WWOX: variants seen among roughly 807,000 people sequenced by gnomAD.
The protein encoded by WWOX is WW domain-containing oxidoreductase.
A neutral mutation model predicts 46.2 loss-of-function variants in WWOX; 69 were observed. The ratio of observed to expected loss-of-function variants is 1.49; its 90% CI spans 1.23 to 1.82. The LOEUF is 1.82. Among genes scored for constraint, WWOX ranks in the 40% most tolerant of loss-of-function variants. WWOX has a pLI of 0.00. For synonymous variants in WWOX, 359 were observed against 202.6 expected (o/e 1.77, Z -6.56); for missense variants, 919 against 542.6 (o/e 1.69, Z -6.89).
chr16:79,035,571 C>A (rs1050027819), intron 8 of WWOX, among the ~76,000 whole-genome samples: 1 of 152,130 alleles, frequency 6.6e-6, no homozygotes, highest in Non-Finnish European at 1.5e-5. Context: ...TGGAGTCTCA[C>A]TCTATCATCC....
At chr16:78,869,766 G>C (rs2737284) in intron 8 of WWOX, among the ~76,000 whole-genome samples, 46,552 of 152,008 alleles carry the variant, frequency 0.31, 7,684 homozygotes, top group East Asian at 0.48. Context: ...AGTCTTGCTC[G>C]CAGATAGCCT....
chr16:78,144,440 TATATATACAC>T (rs1287505336), intron 4 of WWOX, among the ~76,000 whole-genome samples: 1 of 15,878 alleles, frequency 6.3e-5, no homozygotes, highest in African/African-American at 4.5e-4. Context: ...TATATATATA[TATATATACAC>T]ATATATATAT....
At chr16:79,061,037 T>G (rs8059832) in intron 8 of WWOX, among the ~76,000 whole-genome samples, 6,777 of 152,256 alleles carry the variant, frequency 0.045, 187 homozygotes, top group South Asian at 0.077. Flanking sequence ...GAATTCAGAC[T>G]TATACACTCA....
At chr16:78,955,058 T>C (rs2046137339) in intron 8 of WWOX, among the ~76,000 whole-genome samples, 1 of 152,138 alleles carries the variant, frequency 6.6e-6, no homozygotes, top group South Asian at 2.1e-4. Context: ...CACAAAGTAT[T>C]GGGAATGTAT....
rs764706204 is a variant in WWOX, at chr16:79,029,623, T to G, written c.1057-181985T>G. On this transcript the variant is annotated intron_variant, in intron 8 of 8. Coordinates refer to ENST00000566780, the MANE Select transcript of WWOX (RefSeq NM_016373.4). ...CACAAAGAAAGTTAGGGTAATATAT[T>G]CTTATATAAAATTGACATTTTTAAC... 2.6e-4 allele frequency among the ~76,000 whole-genome samples: 39 copies of G among 152,204 alleles called. 2 individuals are homozygous for G. The highest frequency in any genetic ancestry group is 2.9e-5 in the Non-Finnish European group (2 of 68,032).
intron 8 of WWOX, among the ~76,000 whole-genome samples, chr16:78,792,525 C>A (rs1020429446): frequency 6.6e-6 from 1 of 152,210 alleles, no homozygotes; most frequent in Admixed American, 6.5e-5. Context: ...CGGCAGAGGG[C>A]ATGGATAAGG....
At chr16:78,433,522 A>G (rs1347871090) in intron 8 of WWOX, among the ~76,000 whole-genome samples, 1 of 152,218 alleles carries the variant, frequency 6.6e-6, no homozygotes, top group South Asian at 2.1e-4. Flanking sequence ...AGTGGACACC[A>G]GTATTCCAGT....
intron 8 of WWOX, among the ~76,000 whole-genome samples, chr16:78,754,885 C>T (rs976221988): frequency 6.6e-6 from 1 of 152,058 alleles, no homozygotes; most frequent in East Asian, 1.9e-4. Flanking sequence ...GTGCTGTGTC[C>T]TGCACTGTCC....
At chr16:78,624,841 A>T (rs2046274731) in intron 8 of WWOX, among the ~76,000 whole-genome samples, 1 of 152,230 alleles carries the variant, frequency 6.6e-6, no homozygotes, top group Non-Finnish European at 1.5e-5. Flanking sequence ...TGCCTAAAGG[A>T]GCAGATATCG....
At chr16:78,445,088 G>T (rs1411940131) in intron 8 of WWOX, among the ~76,000 whole-genome samples, 1 of 151,984 alleles carries the variant, frequency 6.6e-6, no homozygotes, top group Non-Finnish European at 1.5e-5. Flanking sequence ...TCTGTGAAAT[G>T]CAGACCTTTC....
chr16:78,893,530 C>T (rs529080375), intron 8 of WWOX, among the ~76,000 whole-genome samples: 22 of 152,334 alleles, frequency 1.4e-4, no homozygotes, highest in Admixed American at 1.3e-3. Flanking sequence ...GACACTTCCT[C>T]CTCCACCCAC....
At chr16:78,351,315 A>C (rs572027057) in intron 5 of WWOX, among the ~76,000 whole-genome samples, 24 of 152,334 alleles carry the variant, frequency 1.6e-4, no homozygotes, top group Non-Finnish European at 2.2e-4. Context: ...GTGCTACAAG[A>C]GTTTCAGAAT....
At chr16:79,055,159 C>T (rs1001485033) in intron 8 of WWOX, among the ~76,000 whole-genome samples, 12 of 152,172 alleles carry the variant, frequency 7.9e-5, no homozygotes, top group Admixed American at 7.9e-4. Context: ...CTCAGATATG[C>T]ACCTTTTAAT....
At chr16:78,250,166 A>G (rs2060992036) in intron 5 of WWOX, among the ~76,000 whole-genome samples, 1 of 152,172 alleles carries the variant, frequency 6.6e-6, no homozygotes, top group Admixed American at 6.5e-5. Flanking sequence ...TCTCCAATTT[A>G]GGGGGCTGTA....
chr16:79,054,465 C>T (rs544721347), intron 8 of WWOX, among the ~76,000 whole-genome samples: 16 of 152,224 alleles, frequency 1.1e-4, no homozygotes, highest in African/African-American at 2.9e-4. Context: ...CCAAAATGCG[C>T]GTGTTGCAAT....
At chr16:79,105,522 C>A (rs546337372) in intron 8 of WWOX, among the ~76,000 whole-genome samples, 1 of 152,110 alleles carries the variant, frequency 6.6e-6, no homozygotes, top group East Asian at 1.9e-4. Context: ...ATATTTAAAT[C>A]TGTGTATTTA....
intron 8 of WWOX, among the ~76,000 whole-genome samples, chr16:79,038,813 G>A (rs1041272640): frequency 6.6e-6 from 1 of 152,024 alleles, no homozygotes; most frequent in Non-Finnish European, 1.5e-5. Flanking sequence ...GCCTCCCAAA[G>A]TGCTGGGATT....
At chr16:78,119,625 AT>A (rs780629307) in intron 4 of WWOX, among the ~76,000 whole-genome samples, 6,749 of 143,772 alleles carry the variant, frequency 0.047, 445 homozygotes, top group African/African-American at 0.15. Context: ...CATCCATTAA[AT>A]TTTTTTTTTT....
chr16:79,104,049 G>GGT (rs1555528243), intron 8 of WWOX, among the ~76,000 whole-genome samples: 1 of 102,866 alleles, frequency 9.7e-6, no homozygotes, highest in Non-Finnish European at 2.0e-5. Flanking sequence ...GGGGGGGGGG[G>GGT]GCGGGTGGTG....
Sources: allele counts gnomAD v4.1 joint callset (sites outside exome capture counted in the v4.1 genomes callset), GRCh38; gene constraint gnomAD v4.1.1; transcripts MANE v1.5; gene names NCBI Gene and HGNC (gene_info 2026-07-23, HGNC 2026-07-21).